The following TRIM5 variants were observed in gnomAD, a reference collection of about 807,000 sequenced individuals.
The protein encoded by TRIM5 is tripartite motif containing 5, also known as tripartite motif-containing protein 5.
In TRIM5, 31 loss-of-function variants were observed where a neutral mutation model predicts 35.6. The observed-to-expected ratio is 0.87, with a 90% CI of 0.65 to 1.18. The LOEUF is 1.18. TRIM5 is among the 50% of genes most tolerant of loss of function. TRIM5 has a pLI of 0.00. For missense variants in TRIM5, 609 were observed against 591.6 expected (o/e 1.03, Z -0.31); for synonymous variants, 243 against 215.6 (o/e 1.13, Z -1.11).
intron 4 of TRIM5, among the ~76,000 whole-genome samples, chr11:5,677,198 C>T (rs540174119): frequency 1.0e-3 from 156 of 151,662 alleles, no homozygotes; most frequent in African/African-American, 3.4e-3. Context: ...TTTCACAACC[C>T]ACTCATCTGA....
the TRIM5 span, chr11:5,612,019 G>T: frequency 6.6e-6 from 1 of 152,050 alleles, no homozygotes; most frequent in Non-Finnish European, 1.5e-5. Context: ...AGACAATTGT[G>T]TATCATTTTT....
At chr11:5,619,312 C>T in the TRIM5 span, among the ~76,000 whole-genome samples, 93 of 152,312 alleles carry the variant, frequency 6.1e-4, no homozygotes, top group African/African-American at 2.1e-3. Flanking sequence ...AAGAATACGC[C>T]TCCTTCATTC....
the TRIM5 span, among the ~76,000 whole-genome samples, chr11:5,653,664 G>T: frequency 6.6e-6 from 1 of 151,432 alleles, no homozygotes; most frequent in Non-Finnish European, 1.5e-5. Context: ...ACTAATTTTT[G>T]TATTTTTGGT....
the TRIM5 span, among the ~76,000 whole-genome samples, chr11:5,651,365 C>T: frequency 6.6e-6 from 1 of 152,136 alleles, no homozygotes; most frequent in African/African-American, 2.4e-5. Flanking sequence ...GCATAGTACC[C>T]AGTAGGTAGT....
the TRIM5 span, among the ~76,000 whole-genome samples, chr11:5,595,715 A>C: frequency 6.7e-6 from 1 of 150,218 alleles, no homozygotes; most frequent in Non-Finnish European, 1.5e-5. Context: ...CTACCTTCAA[A>C]AATTCTTTTT....
the TRIM5 span, among the ~76,000 whole-genome samples, chr11:5,593,503 C>T: frequency 6.6e-6 from 1 of 152,060 alleles, no homozygotes; most frequent in Non-Finnish European, 1.5e-5. Context: ...TAGAGATTTG[C>T]TCACAGAAAA....
the TRIM5 span, among the ~76,000 whole-genome samples, chr11:5,628,329 C>G: frequency 3.9e-5 from 6 of 152,222 alleles, no homozygotes; most frequent in African/African-American, 1.4e-4. Flanking sequence ...CTGTGGTTGG[C>G]TCATGGCTTT....
chr11:5,610,781 C>A, the TRIM5 span: 1 of 1,613,848 alleles, frequency 6.2e-7, no homozygotes, highest in Non-Finnish European at 8.5e-7. Context: ...CTACAGTTGA[C>A]GTGACCCTGA....
the TRIM5 span, among the ~76,000 whole-genome samples, chr11:5,653,013 C>T: frequency 3.8e-4 from 58 of 152,054 alleles, no homozygotes; most frequent in Admixed American, 8.5e-4. Flanking sequence ...CCAGCATACC[C>T]GGCTAATTTT....
chr11:5,618,894 C>A, the TRIM5 span, among the ~76,000 whole-genome samples: 1 of 152,128 alleles, frequency 6.6e-6, no homozygotes, highest in East Asian at 1.9e-4. Flanking sequence ...AAGCTAAAAC[C>A]GTGACTTATT....
At chr11:5,625,404 G>A in the TRIM5 span, among the ~76,000 whole-genome samples, 4 of 152,114 alleles carry the variant, frequency 2.6e-5, no homozygotes, top group African/African-American at 9.7e-5. Flanking sequence ...CTCTCTCAAA[G>A]AGATGAACAG....
At chr11:5,602,244 T>C in the TRIM5 span, among the ~76,000 whole-genome samples, 6 of 151,680 alleles carry the variant, frequency 4.0e-5, no homozygotes, top group Non-Finnish European at 8.8e-5. Flanking sequence ...ATCGAGACCA[T>C]CCTGGCTAAC....
At chr11:5,638,218 A>T in the TRIM5 span, among the ~76,000 whole-genome samples, 1 of 152,238 alleles carries the variant, frequency 6.6e-6, no homozygotes, top group Admixed American at 6.5e-5. Flanking sequence ...AAATAATATC[A>T]GTGAAGATAA....
At chr11:5,641,315 T>C in the TRIM5 span, 4 of 1,554,644 alleles carry the variant, frequency 2.6e-6, no homozygotes, top group Non-Finnish European at 3.5e-6. Flanking sequence ...TGTATCGTTA[T>C]CTTAAATTGC....
At chr11:5,644,989 G>A in the TRIM5 span, among the ~76,000 whole-genome samples, 2 of 152,092 alleles carry the variant, frequency 1.3e-5, no homozygotes, top group Non-Finnish European at 2.9e-5. Context: ...TCCCACTCTT[G>A]CCAGAGATGT....
In TRIM5 at chr11:5,684,891, A is replaced by G. The variant is rs903225897; in HGVS notation, c.-85T>C. On this transcript the variant is annotated 5_prime_UTR_variant, in exon 1 of 8. Coordinates refer to ENST00000380034, the MANE Select transcript of TRIM5 (RefSeq NM_033034.3). ...ACCAAGGTAAATACAGTTTTGTCCCAAAGACTTCCTACTTCTGCCCTCCAC... is the reference window on the plus strand; with the variant it reads ...ACCAAGGTAAATACAGTTTTGTCCCGAAGACTTCCTACTTCTGCCCTCCAC... 4 of 152,234 alleles carry G rather than the reference A, an allele frequency of 2.6e-5. No homozygotes were observed. Among genetic ancestry groups the G allele is most frequent in the Admixed American group, 2.0e-4 (3 of 15,282 alleles). The allele number at this position is 152,234 out of a possible 1,614,324, so 9.4% of individuals were successfully genotyped here. A position where few individuals can be genotyped will look rare whatever the true frequency, so the allele number is the denominator to read the frequency against.
the TRIM5 span, chr11:5,641,136 CTT>C: frequency 1.2e-6 from 2 of 1,611,160 alleles, no homozygotes; most frequent in African/African-American, 1.3e-5. Flanking sequence ...TCTTTATACA[CTT>C]TGACTCATGT....
chr11:5,676,806 A>G (rs895248350), intron 4 of TRIM5, among the ~76,000 whole-genome samples: 2 of 151,344 alleles, frequency 1.3e-5, no homozygotes, highest in African/African-American at 4.9e-5. Flanking sequence ...ACGCATATCT[A>G]CAACTATCTG....
chr11:5,610,673 C>A, the TRIM5 span: 2 of 1,567,094 alleles, frequency 1.3e-6, no homozygotes, highest in East Asian at 4.5e-5. Context: ...CCATCCCCGC[C>A]ATATAGTTCC....
Sources: gnomAD v4.1 joint callset for allele counts (sites outside exome capture counted in the v4.1 genomes callset) on GRCh38, gnomAD v4.1.1 for gene constraint, MANE v1.5 for transcripts, NCBI Gene and HGNC (gene_info 2026-07-23, HGNC 2026-07-21) for gene names.